Variants in ARHGAP15 observed in about 807,000 individuals in gnomAD.
The protein encoded by ARHGAP15 is rho GTPase-activating protein 15.
A neutral mutation model predicts 63.7 loss-of-function variants in ARHGAP15; 51 were observed. The ratio of observed to expected loss-of-function variants is 0.80; its 90% CI spans 0.64 to 1.01. ARHGAP15 has a LOEUF of 1.01. Ranked by LOEUF, ARHGAP15 falls within the 50% of genes least tolerant of loss-of-function variation. The probability of loss-of-function intolerance (pLI) is 0.00; values close to 1 mark genes in which losing one functional copy is unlikely to be tolerated. For missense variants in ARHGAP15, 560 were observed against 564.6 expected, an observed-to-expected ratio of 0.99 and a Z score of 0.08; for synonymous variants, 191 against 193.8, an observed-to-expected ratio of 0.99 and a Z score of 0.12.
chr2:143,735,646 C>A (rs1685715872), intron 13 of ARHGAP15, among the ~76,000 whole-genome samples: 1 of 152,118 alleles, frequency 6.6e-6, no homozygotes, highest in Non-Finnish European at 1.5e-5. Context: ...GCATGGCTCT[C>A]ATTAGTCAGG....
intron 13 of ARHGAP15, among the ~76,000 whole-genome samples, chr2:143,755,784 A>G (rs1400440566): frequency 6.6e-6 from 1 of 152,082 alleles, no homozygotes; most frequent in Non-Finnish European, 1.5e-5. Context: ...CAGCCTGACC[A>G]ACATGGTGAA....
intron 8 of ARHGAP15, among the ~76,000 whole-genome samples, chr2:143,442,543 G>A (rs1355726518): frequency 2.6e-5 from 4 of 152,166 alleles, no homozygotes; most frequent in Non-Finnish European, 4.4e-5. Flanking sequence ...GGAATTTAAA[G>A]CCTCCGAGCC....
intron 10 of ARHGAP15, among the ~76,000 whole-genome samples, chr2:143,549,490 A>G (rs1695468720): frequency 6.6e-6 from 1 of 152,142 alleles, no homozygotes; most frequent in East Asian, 1.9e-4. Flanking sequence ...GGTGTCCCAG[A>G]GAATAACCAA....
rs1047548627 is a variant in ARHGAP15, at chr2:143,437,201, G to A, written c.703+159G>A. 5.9e-5 allele frequency: 43 copies of A among 734,280 alleles called. No homozygotes were observed. In the East Asian group the frequency reaches 1.2e-3, roughly 20 times the overall value. 45.5% of individuals were successfully genotyped at this position (734,280 alleles called of 1,614,324 possible). On this transcript the variant is annotated intron_variant, in intron 8 of 13. Transcript: ENST00000295095. ...GATTTGTGCACTGGAGGGCAGTCTG[G>A]GCACTTTGCTCACATCATTGTTGGT...
At chr2:143,645,612 CTTT>C (rs748504579) in intron 12 of ARHGAP15, among the ~76,000 whole-genome samples, 9 of 151,854 alleles carry the variant, frequency 5.9e-5, no homozygotes, top group Non-Finnish European at 1.0e-4. Context: ...AAATAATTGT[CTTT>C]TATTTTTCAT....
intron 8 of ARHGAP15, among the ~76,000 whole-genome samples, chr2:143,442,616 G>A (rs886553864): frequency 7.2e-5 from 11 of 152,138 alleles, no homozygotes; most frequent in South Asian, 2.1e-4. Flanking sequence ...TAGCATTAAT[G>A]GGAAGTGAGT....
chr2:143,634,861 T>G (rs545931842), intron 12 of ARHGAP15, among the ~76,000 whole-genome samples: 130 of 152,182 alleles, frequency 8.5e-4, no homozygotes, highest in African/African-American at 3.1e-3. Flanking sequence ...ATTATAGAAC[T>G]TACGCCTTTA....
chr2:143,727,783 G>A (rs899540020), intron 13 of ARHGAP15, among the ~76,000 whole-genome samples: 10 of 152,166 alleles, frequency 6.6e-5, no homozygotes, highest in African/African-American at 2.4e-4. Flanking sequence ...TGACAATGTG[G>A]TCAAGGAAAC....
intron 10 of ARHGAP15, among the ~76,000 whole-genome samples, chr2:143,544,708 C>A (rs1370936728): frequency 6.6e-6 from 1 of 152,168 alleles, no homozygotes; most frequent in Non-Finnish European, 1.5e-5. Context: ...CAATATCTGT[C>A]AAATTGCCTG....
At chr2:143,494,433 G>T (rs937680347) in intron 9 of ARHGAP15, among the ~76,000 whole-genome samples, 2 of 152,138 alleles carry the variant, frequency 1.3e-5, no homozygotes, top group African/African-American at 4.8e-5. Context: ...CAATAGTGAG[G>T]ATGGCACATA....
chr2:143,493,000 G>A (rs1473873723), intron 9 of ARHGAP15, among the ~76,000 whole-genome samples: 1 of 151,974 alleles, frequency 6.6e-6, no homozygotes, highest in East Asian at 1.9e-4. Context: ...GGAGCTTGCA[G>A]TGAGCCGAGA....
Position 143,638,689 on chromosome 2 carries a change from A to T in ARHGAP15, c.1138+14422A>T, listed in dbSNP as rs1209604865. Among the ~76,000 whole-genome samples the T allele has an allele frequency of 4.9e-3, 467 of 94,672 alleles. 2 individuals carry two copies. The highest frequency in any genetic ancestry group is 0.017 in the African/African-American group (448 of 27,028). 62.1% of individuals were successfully genotyped at this position (94,672 alleles called of 152,430 possible). On this transcript the variant is annotated intron_variant, in intron 12 of 13. Transcript: ENST00000295095. ...ATAAATAAAAGAAAAAAAAATATTA[A>T]AAAAAAAAAAAAACTCAGAGAAGAG... is the stretch of plus-strand genomic sequence containing the variant.
chr2:143,336,741 T>C (rs1357009569), intron 6 of ARHGAP15, among the ~76,000 whole-genome samples: 1 of 152,190 alleles, frequency 6.6e-6, no homozygotes, highest in Non-Finnish European at 1.5e-5. Context: ...TCATTCTTAA[T>C]AGTGAGAAGT....
chr2:143,465,863 T>C (rs1436751234), intron 8 of ARHGAP15, among the ~76,000 whole-genome samples: 1 of 152,100 alleles, frequency 6.6e-6, no homozygotes, highest in African/African-American at 2.4e-5. Flanking sequence ...AATTCCAAAT[T>C]CACATCACCT....
chr2:143,368,821 G>A (rs1686413745), intron 6 of ARHGAP15, among the ~76,000 whole-genome samples: 1 of 152,032 alleles, frequency 6.6e-6, no homozygotes. Context: ...ATAGAGCTGT[G>A]AAATGGCTAT....
chr2:143,137,893 C>T (rs1689209664), intron 1 of ARHGAP15, among the ~76,000 whole-genome samples: 1 of 152,012 alleles, frequency 6.6e-6, no homozygotes, highest in Non-Finnish European at 1.5e-5. Context: ...AAATTCAGCT[C>T]TCTGCTAAAT....
At chr2:143,656,934 G>GGTGTGTGTGTGTGTCTGTGTGTGTGTGT (rs1681468496) in intron 12 of ARHGAP15, among the ~76,000 whole-genome samples, 1 of 144,936 alleles carries the variant, frequency 6.9e-6, no homozygotes, top group African/African-American at 2.5e-5. Flanking sequence ...CAAAGTTTCT[G>GGTGTGTGTGTGTGTCTGTGTGTGTGTGT]GTGTGTGTGT....
chr2:143,758,468 T>C (rs1686654839), intron 13 of ARHGAP15, among the ~76,000 whole-genome samples: 1 of 152,044 alleles, frequency 6.6e-6, no homozygotes, highest in Admixed American at 6.6e-5. Context: ...TGTATTAGTT[T>C]TGCTGTACAA....
At chr2:143,261,188 A>G (rs1451612419) in intron 6 of ARHGAP15, among the ~76,000 whole-genome samples, 2 of 152,140 alleles carry the variant, frequency 1.3e-5, no homozygotes, top group Non-Finnish European at 2.9e-5. Context: ...GATCATTCAT[A>G]TACTGTAATG....
Sources: gnomAD v4.1 joint callset for allele counts (sites outside exome capture counted in the v4.1 genomes callset) on GRCh38, gnomAD v4.1.1 for gene constraint, MANE v1.5 for transcripts, NCBI Gene and HGNC (gene_info 2026-07-23, HGNC 2026-07-21) for gene names.